The following GALK2 variants were observed in gnomAD, a reference collection of about 807,000 sequenced individuals.
The protein encoded by GALK2 is galactokinase 2, also known as N-acetylgalactosamine kinase.
Under a neutral mutation model 52.4 loss-of-function variants are expected in GALK2, and 36 were observed. The ratio of observed to expected loss-of-function variants is 0.69; its 90% CI spans 0.53 to 0.91. The LOEUF is 0.91. Ranked by LOEUF, GALK2 falls within the 40% of genes least tolerant of loss-of-function variation. The probability of loss-of-function intolerance (pLI) is 0.00; values close to 1 mark genes in which losing one functional copy is unlikely to be tolerated. For missense variants in GALK2, 579 were observed against 559.1 expected (o/e 1.04, Z -0.36); for synonymous variants, 176 against 199.1 (o/e 0.88, Z 0.98).
intron 1 of GALK2, among the ~76,000 whole-genome samples, chr15:49,173,796 G>A (rs1193104173): frequency 5.3e-5 from 8 of 152,016 alleles, no homozygotes; most frequent in African/African-American, 1.9e-4. Flanking sequence ...TGGCTGGAGT[G>A]CAGTGGCACT....
At chr15:49,176,769 A>G (rs1277132948) in intron 1 of GALK2, among the ~76,000 whole-genome samples, 1 of 152,144 alleles carries the variant, frequency 6.6e-6, no homozygotes, top group African/African-American at 2.4e-5. Flanking sequence ...TATTTCCACA[A>G]GTGAGATTAG....
intron 1 of GALK2, among the ~76,000 whole-genome samples, chr15:49,162,068 C>T (rs1035791597): frequency 6.6e-6 from 1 of 152,202 alleles, no homozygotes; most frequent in Non-Finnish European, 1.5e-5. Flanking sequence ...ACCTGTGAAA[C>T]TATCACGACA....
Position 49,319,862 on chromosome 15 carries a change from T to A in GALK2, c.1169+57T>A. On this transcript the variant is annotated intron_variant, in intron 9 of 9. Coordinates refer to ENST00000560031, the MANE Select transcript of GALK2 (RefSeq NM_002044.4). ...CATCAAATAATATTGTTTAAATTAATGGAAAAAAATGCAACATTTCATAAT... is the reference window on the plus strand; with the variant it reads ...CATCAAATAATATTGTTTAAATTAAAGGAAAAAAATGCAACATTTCATAAT... The A allele has an allele frequency of 1.1e-5, 15 of 1,418,224 alleles. No individual in the cohort carries two copies. In the Admixed American group the frequency reaches 1.3e-4, roughly 12 times the overall value. The allele number at this position is 1,418,224 out of a possible 1,614,324, so 87.9% of individuals were successfully genotyped here. A position where few individuals can be genotyped will look rare whatever the true frequency, so the allele number is the denominator to read the frequency against.
At chr15:49,198,449 G>A (rs746143453) in intron 1 of GALK2, among the ~76,000 whole-genome samples, 3 of 152,088 alleles carry the variant, frequency 2.0e-5, no homozygotes, top group Admixed American at 1.3e-4. Context: ...TGGGATACAT[G>A]TTTCTATCCT....
At chr15:49,251,866 G>A (rs918140539) in intron 5 of GALK2, among the ~76,000 whole-genome samples, 1 of 152,136 alleles carries the variant, frequency 6.6e-6, no homozygotes, top group African/African-American at 2.4e-5. Context: ...ATCAACCACT[G>A]TTAAAAGATT....
chr15:49,291,289 G>A (rs1267353985), intron 7 of GALK2, among the ~76,000 whole-genome samples: 1 of 151,664 alleles, frequency 6.6e-6, no homozygotes, highest in East Asian at 1.9e-4. Context: ...TCAAATATAC[G>A]AGCCAGGGTT....
Position 49,329,032 on chromosome 15 carries a change from C to G in GALK2, c.*873C>G, listed in dbSNP as rs958898820. The G allele has an allele frequency of 3.5e-5, 35 of 1,007,286 alleles. No homozygotes were observed. Among genetic ancestry groups the G allele is most frequent in the Non-Finnish European group, 4.2e-5 (35 of 843,178 alleles). The allele number at this position is 1,007,286 out of a possible 1,614,324, so 62.4% of individuals were successfully genotyped here. A position where few individuals can be genotyped will look rare whatever the true frequency, so the allele number is the denominator to read the frequency against. On this transcript the variant is annotated 3_prime_UTR_variant, in exon 10 of 10. Coordinates refer to ENST00000560031, the MANE Select transcript of GALK2 (RefSeq NM_002044.4). The stretch of plus-strand genomic sequence containing the variant: ...CTTTCTTATCACTCTTTTTCTACTA[C>G]TTTTTCTCAAATACCTCTCTAATCC...
chr15:49,233,759 G>A (rs1185050761), intron 3 of GALK2, among the ~76,000 whole-genome samples: 2 of 152,122 alleles, frequency 1.3e-5, no homozygotes, highest in Admixed American at 1.3e-4. Flanking sequence ...TTGGAAAGCA[G>A]CTAAACCTCT....
intron 1 of GALK2, among the ~76,000 whole-genome samples, chr15:49,172,526 A>G (rs1254277381): frequency 6.6e-6 from 1 of 152,164 alleles, no homozygotes; most frequent in African/African-American, 2.4e-5. Flanking sequence ...AAGTATTGCA[A>G]TATGCTGAGA....
At chr15:49,282,247 C>T (rs1032963959) in intron 6 of GALK2, among the ~76,000 whole-genome samples, 162 bp downstream of exon 6, 1 of 152,196 alleles carries the variant, frequency 6.6e-6, no homozygotes, top group Non-Finnish European at 1.5e-5. Context: ...CTCAAGGCTG[C>T]CACCAGTTAA....
At position 49,331,865 on chromosome 15, in the gene GALK2, A is replaced by G. The variant is rs1403018359; in HGVS notation, c.*3706A>G. The G allele has an allele frequency of 2.0e-6, 3 of 1,526,176 alleles. No homozygotes were observed. The highest frequency in any genetic ancestry group is 4.5e-5 in the East Asian group (2 of 44,476). 94.5% of individuals were successfully genotyped at this position (1,526,176 alleles called of 1,614,324 possible). ...TGCTTGGAGTCTAATCATGGAATAA[A>G]GAAAATCAGTAACCAAACTAATTGT... On this transcript the variant is annotated 3_prime_UTR_variant, in exon 10 of 10. Coordinates refer to ENST00000560031, the MANE Select transcript of GALK2 (RefSeq NM_002044.4).
At chr15:49,213,896 T>C (rs190238780) in intron 2 of GALK2, among the ~76,000 whole-genome samples, 1 of 152,064 alleles carries the variant, frequency 6.6e-6, no homozygotes, top group Non-Finnish European at 1.5e-5. Context: ...GGCGGGTGGA[T>C]CATGGGGTCA....
chr15:49,182,262 A>G (rs2086030767), intron 1 of GALK2, among the ~76,000 whole-genome samples: 1 of 152,176 alleles, frequency 6.6e-6, no homozygotes, highest in South Asian at 2.1e-4. Context: ...ATTTCTGTGC[A>G]TGACTTGTTT....
At chr15:49,366,754 A>G in intron 3 of GALK2, 1 of 779,312 alleles carries the variant, frequency 1.3e-6, no homozygotes, top group Non-Finnish European at 2.0e-6. Context: ...GAGTCCCGCC[A>G]CTGCGCTGCC....
In GALK2 at chr15:49,329,039, T is replaced by C. The variant is rs993006765; in HGVS notation, c.*880T>C. On this transcript the variant is annotated 3_prime_UTR_variant, in exon 10 of 10. Transcript: ENST00000560031. ...ATCACTCTTTTTCTACTACTTTTTC[T>C]CAAATACCTCTCTAATCCAAGAGGC... 4.0e-6 allele frequency: 4 copies of C among 1,004,766 alleles called. No homozygotes were observed. Among genetic ancestry groups the C allele is most frequent in the Admixed American group, 1.1e-4 (2 of 18,286 alleles). 62.2% of individuals were successfully genotyped at this position (1,004,766 alleles called of 1,614,324 possible). A position where few individuals can be genotyped will look rare whatever the true frequency, so the allele number is the denominator to read the frequency against.
At chr15:49,319,532 G>C in intron 8 of GALK2, 72 bp from the exon 9 acceptor site, 2 of 1,250,248 alleles carry the variant, frequency 1.6e-6, no homozygotes, top group Non-Finnish European at 2.3e-6. Context: ...GTCTTTAAAA[G>C]TGTATTTTTC....
chr15:49,367,398 A>G (rs1264675309), intron 3 of GALK2: 2 of 1,442,900 alleles, frequency 1.4e-6, no homozygotes, highest in East Asian at 2.4e-5. Context: ...AATGTTTTGA[A>G]TATTATTTTT....
At chr15:49,282,127 T>C in intron 6 of GALK2, 42 bp downstream of exon 6, 3 of 1,465,324 alleles carry the variant, frequency 2.0e-6, no homozygotes, top group Non-Finnish European at 2.9e-6. Flanking sequence ...AAATTCCTAG[T>C]GGGAAAATTT....
At chr15:49,266,934 A>G (rs1455313724) in intron 5 of GALK2, among the ~76,000 whole-genome samples, 1 of 152,226 alleles carries the variant, frequency 6.6e-6, no homozygotes, top group Non-Finnish European at 1.5e-5. Flanking sequence ...GATGAGTTTT[A>G]TAACTACTGT....
Sources: gnomAD v4.1 joint callset for allele counts (sites outside exome capture counted in the v4.1 genomes callset) on GRCh38, gnomAD v4.1.1 for gene constraint, MANE v1.5 for transcripts, NCBI Gene and HGNC (gene_info 2026-07-23, HGNC 2026-07-21) for gene names.